The following C12orf42 variants were observed in gnomAD, a reference collection of about 807,000 sequenced individuals.
C12orf42 encodes chromosome 12 open reading frame 42.
In C12orf42, 25 loss-of-function variants were observed where a neutral mutation model predicts 21.6. The observed-to-expected ratio is 1.16, with a 90% CI of 0.84 to 1.62. The LOEUF (loss-of-function observed/expected upper bound fraction) is 1.62. Among genes scored for constraint, C12orf42 ranks in the 40% most tolerant of loss-of-function variants. C12orf42 has a pLI of 0.00. For synonymous variants in C12orf42, 174 were observed against 175.0 expected (o/e 0.99, Z 0.05); for missense variants, 483 against 459.3 (o/e 1.05, Z -0.47).
chr12:103,361,793 A>T lies in C12orf42; in HGVS notation c.259+7094T>A, dbSNP rs901528463. Among the ~76,000 whole-genome samples the T allele has an allele frequency of 5.3e-5, 8 of 152,062 alleles. No homozygotes were observed. In the East Asian group the frequency reaches 1.6e-3, roughly 30 times the overall value. ...CAGAGGCAGCCATAATCTTCCTGGG[A>T]ATATAACTCCATTGACCTGGGAATC... On this transcript the variant is annotated intron_variant, in intron 4 of 5. Transcript: ENST00000548883.
chr12:103,550,826 TTGC>T, the C12orf42 span, among the ~76,000 whole-genome samples: 147 of 152,258 alleles, frequency 9.7e-4, no homozygotes, highest in Non-Finnish European at 1.2e-3. Context: ...TAGGATGTTG[TTGC>T]TTTCTTATTA....
chr12:103,102,923 G>C, the C12orf42 span, among the ~76,000 whole-genome samples: 1 of 152,034 alleles, frequency 6.6e-6, no homozygotes, highest in South Asian at 2.1e-4. Context: ...TGCTTTCTTG[G>C]TGGCCATCAA....
intron 4 of C12orf42, among the ~76,000 whole-genome samples, chr12:103,287,081 T>C (rs1294004084): frequency 6.6e-6 from 1 of 151,988 alleles, no homozygotes; most frequent in African/African-American, 2.4e-5. Context: ...TGTGGAGAAA[T>C]AGGAACACTT....
chr12:103,512,495 T>C, the C12orf42 span, among the ~76,000 whole-genome samples: 2 of 152,220 alleles, frequency 1.3e-5, no homozygotes, highest in African/African-American at 4.8e-5. Context: ...AGAAATGATA[T>C]CTACTCAATG....
At chr12:103,340,851 C>T (rs762802290) in intron 4 of C12orf42, among the ~76,000 whole-genome samples, 14 of 152,300 alleles carry the variant, frequency 9.2e-5, no homozygotes, top group Admixed American at 6.5e-4. Context: ...CAGTGGCTCA[C>T]GCCTGTAATC....
At chr12:103,519,982 C>T in the C12orf42 span, among the ~76,000 whole-genome samples, 1 of 152,144 alleles carries the variant, frequency 6.6e-6, no homozygotes, top group South Asian at 2.1e-4. Context: ...GAGATGGGCA[C>T]CACAGGGAGA....
intron 2 of C12orf42, among the ~76,000 whole-genome samples, chr12:103,437,458 A>T (rs2139469841): frequency 6.6e-6 from 1 of 152,264 alleles, no homozygotes; most frequent in South Asian, 2.1e-4. Context: ...AAATTAATGA[A>T]TCCAGGAGCT....
rs142168532 is a variant in C12orf42 at position 103,488,504 on chromosome 12, G to C, written c.-22+7398C>G. On this transcript the variant is annotated intron_variant, in intron 1 of 5. Coordinates refer to ENST00000548883, the MANE Select transcript of C12orf42 (RefSeq NM_198521.5). ...TGAATTTGAATGTTGGCCTGCCTTG[G>C]TAGGTTGAGGAAGTTCTCCTGAACA... Among the ~76,000 whole-genome samples, 180 of 152,230 alleles carry C rather than the reference G, an allele frequency of 1.2e-3. 1 individual carries two copies. The highest frequency in any genetic ancestry group is 3.9e-3 in the African/African-American group (163 of 41,534).
chr12:103,161,100 G>C, the C12orf42 span, among the ~76,000 whole-genome samples: 1 of 152,184 alleles, frequency 6.6e-6, no homozygotes, highest in Non-Finnish European at 1.5e-5. Flanking sequence ...ACGTGTAATG[G>C]ATACCATAAC....
At chr12:103,394,322 C>G (rs1047487558) in intron 3 of C12orf42, among the ~76,000 whole-genome samples, 1 of 152,146 alleles carries the variant, frequency 6.6e-6, no homozygotes. Context: ...TAACTCACAC[C>G]TGCTGAGAAA....
At chr12:103,282,666 G>A (rs1248415018) in intron 4 of C12orf42, among the ~76,000 whole-genome samples, 1 of 152,130 alleles carries the variant, frequency 6.6e-6, no homozygotes, top group African/African-American at 2.4e-5. Context: ...ATGGCTATAT[G>A]CTGTTATTAT....
intron 4 of C12orf42, among the ~76,000 whole-genome samples, chr12:103,346,791 G>A (rs1428670288): frequency 6.6e-6 from 1 of 152,144 alleles, no homozygotes. Flanking sequence ...CTATTCCAAA[G>A]TCAGGTACCA....
chr12:103,429,371 T>C (rs1566310423), intron 2 of C12orf42, among the ~76,000 whole-genome samples: 1 of 152,180 alleles, frequency 6.6e-6, no homozygotes, highest in Non-Finnish European at 1.5e-5. Flanking sequence ...CATTCACATT[T>C]GCTACAAAGA....
the C12orf42 span, among the ~76,000 whole-genome samples, chr12:103,158,637 T>G: frequency 5.3e-5 from 8 of 152,216 alleles, no homozygotes; most frequent in African/African-American, 1.9e-4. Context: ...TCCCAGCACT[T>G]TGGGAGGCCG....
At chr12:103,199,570 G>A in the C12orf42 span, among the ~76,000 whole-genome samples, 1 of 152,154 alleles carries the variant, frequency 6.6e-6, no homozygotes, top group East Asian at 1.9e-4. Flanking sequence ...ATTTGATAAA[G>A]GGTTAATACC....
chr12:103,439,729 A>T (rs148224120), intron 2 of C12orf42, among the ~76,000 whole-genome samples: 310 of 152,224 alleles, frequency 2.0e-3, no homozygotes, highest in African/African-American at 7.0e-3. Context: ...CACCAGTTAG[A>T]GTGGCAATCA....
the C12orf42 span, among the ~76,000 whole-genome samples, chr12:103,115,175 C>G: frequency 6.6e-6 from 1 of 152,116 alleles, no homozygotes; most frequent in Non-Finnish European, 1.5e-5. Context: ...CTATTATTTC[C>G]TTCTTCATTG....
downstream of C12orf42, among the ~76,000 whole-genome samples, chr12:103,299,802 A>G (rs1480970572): frequency 1.3e-5 from 2 of 152,236 alleles, no homozygotes; most frequent in African/African-American, 4.8e-5. Context: ...TCTAAGTTAT[A>G]GTACAAAAGA....
the C12orf42 span, among the ~76,000 whole-genome samples, chr12:103,053,668 C>T: frequency 6.6e-6 from 1 of 151,892 alleles, no homozygotes; most frequent in African/African-American, 2.4e-5. Flanking sequence ...AAAAACTCCA[C>T]CAAGTCTCAA....
Sources: allele counts gnomAD v4.1 joint callset (sites outside exome capture counted in the v4.1 genomes callset), GRCh38; gene constraint gnomAD v4.1.1; transcripts MANE v1.5; gene names NCBI Gene and HGNC (gene_info 2026-07-23, HGNC 2026-07-21).